The following SWAP70 variants were observed in gnomAD, a reference collection of about 807,000 sequenced individuals.
The protein encoded by SWAP70 is switching B cell complex subunit SWAP70, also known as switch-associated protein 70.
In SWAP70, 34 loss-of-function variants were observed where a neutral mutation model predicts 80.2. The observed-to-expected ratio is 0.42, with a 90% CI of 0.32 to 0.56. The LOEUF is 0.56. Ranked by LOEUF, SWAP70 falls within the 20% of genes least tolerant of loss-of-function variation. The pLI is 0.09. For synonymous variants in SWAP70, 239 were observed against 238.5 expected (o/e 1.00, Z -0.02); for missense variants, 578 against 690.7 (o/e 0.84, Z 1.83).
At chr11:9,735,171 C>A (rs749194663) in intron 7 of SWAP70, among the ~76,000 whole-genome samples, 1 of 152,144 alleles carries the variant, frequency 6.6e-6, no homozygotes, top group Non-Finnish European at 1.5e-5. Context: ...CCCCCTCCCC[C>A]ACTTATGAAT....
chr11:9,712,606 C>T (rs954336266), intron 2 of SWAP70, among the ~76,000 whole-genome samples: 1 of 152,110 alleles, frequency 6.6e-6, no homozygotes, highest in Non-Finnish European at 1.5e-5. Flanking sequence ...TCATGCCTAT[C>T]TAATCTCAGT....
At chr11:9,741,896 G>A (rs1851443831) in intron 9 of SWAP70, 1 of 136,394 alleles carries the variant, frequency 7.3e-6, no homozygotes, top group Non-Finnish European at 1.5e-5. Flanking sequence ...TTGAACCCAG[G>A]AGTTTATGAC....
At chr11:9,670,173 G>C (rs1261000055) in intron 1 of SWAP70, among the ~76,000 whole-genome samples, 1 of 152,080 alleles carries the variant, frequency 6.6e-6, no homozygotes, top group Non-Finnish European at 1.5e-5. Flanking sequence ...GCCCCGATAA[G>C]AGGTAATAGG....
At chr11:9,747,384 A>G (rs748756683) in intron 9 of SWAP70, among the ~76,000 whole-genome samples, 3 of 152,278 alleles carry the variant, frequency 2.0e-5, no homozygotes, top group East Asian at 1.9e-4. Flanking sequence ...AGCTTTTTCC[A>G]TGGTAACAGG....
intron 1 of SWAP70, among the ~76,000 whole-genome samples, chr11:9,689,706 G>A (rs1850672472): frequency 6.6e-6 from 1 of 152,162 alleles, no homozygotes; most frequent in African/African-American, 2.4e-5. Flanking sequence ...CTGGAGAAGG[G>A]GTTAGTGCCT....
At chr11:9,721,566 G>T (rs1331777605) in intron 3 of SWAP70, among the ~76,000 whole-genome samples, 2 of 150,548 alleles carry the variant, frequency 1.3e-5, no homozygotes, top group Non-Finnish European at 2.9e-5. Flanking sequence ...CAAACTCCTT[G>T]GCTCAAGCAG....
chr11:9,681,417 C>A (rs1455072889), intron 1 of SWAP70, among the ~76,000 whole-genome samples: 1 of 152,180 alleles, frequency 6.6e-6, no homozygotes, highest in African/African-American at 2.4e-5. Context: ...TATTGACTGA[C>A]AGTCTGTCTT....
chr11:9,710,611 A>G (rs904812104), intron 2 of SWAP70, among the ~76,000 whole-genome samples: 8 of 151,274 alleles, frequency 5.3e-5, no homozygotes, highest in African/African-American at 7.3e-5. Context: ...TCTGCTGCCC[A>G]TGCCTGCCTC....
At chr11:9,737,454 A>G (rs769786671) in intron 7 of SWAP70, among the ~76,000 whole-genome samples, 15 of 152,146 alleles carry the variant, frequency 9.9e-5, no homozygotes, top group Non-Finnish European at 2.1e-4. Context: ...TTTAACAATA[A>G]TTTTCACCAG....
intron 7 of SWAP70, among the ~76,000 whole-genome samples, chr11:9,736,020 A>G (rs775310312): frequency 1.3e-5 from 2 of 151,882 alleles, no homozygotes; most frequent in African/African-American, 2.4e-5. Flanking sequence ...GGTGTCCCAC[A>G]TTTCTCTAAG....
chr11:9,742,406 G>C (rs934330523), intron 9 of SWAP70, among the ~76,000 whole-genome samples: 13 of 151,404 alleles, frequency 8.6e-5, no homozygotes, highest in Non-Finnish European at 1.6e-4. Context: ...GCGTGATCTC[G>C]GCTCACTGCA....
Position 9,664,373 on chromosome 11 carries a change from A to AGGGCG in SWAP70, c.99+103_99+107dup, listed in dbSNP as rs1850282991. 10 of 1,387,506 alleles carry AGGGCG rather than the reference A, an allele frequency of 7.2e-6. No individual in the cohort carries two copies. In the South Asian group the frequency reaches 9.5e-5, roughly 13 times the overall value. The allele number at this position is 1,387,506 out of a possible 1,614,324, so 85.9% of individuals were successfully genotyped here. On this transcript the variant is annotated intron_variant, in intron 1 of 11. Coordinates refer to ENST00000318950, the MANE Select transcript of SWAP70 (RefSeq NM_015055.4). The stretch of plus-strand genomic sequence containing the variant: ...GCGGGACCTGGCGGGCCGTGACCGC[A>AGGGCG]GGGCGGGGCGGGTCGGAATGCGCCC...
chr11:9,717,736 T>G (rs964616246), intron 3 of SWAP70, among the ~76,000 whole-genome samples: 5 of 152,198 alleles, frequency 3.3e-5, no homozygotes, highest in African/African-American at 1.2e-4. Context: ...TTGTGTTTTC[T>G]TTGAAAAACT....
At chr11:9,664,373 A>T in intron 1 of SWAP70, 95 bp downstream of exon 1, 8 of 1,387,506 alleles carry the variant, frequency 5.8e-6, no homozygotes, top group Non-Finnish European at 7.8e-6. Context: ...CCGTGACCGC[A>T]GGGCGGGGCG....
intron 2 of SWAP70, among the ~76,000 whole-genome samples, chr11:9,697,681 A>G (rs1565118588): frequency 6.6e-6 from 1 of 152,200 alleles, no homozygotes; most frequent in South Asian, 2.1e-4. Flanking sequence ...CTTTGTATCT[A>G]TATCTTTTAT....
chr11:9,694,087 G>A, intron 1 of SWAP70, 59 bp from the exon 2 acceptor site: 1 of 1,491,404 alleles, frequency 6.7e-7, no homozygotes, highest in Non-Finnish European at 8.9e-7. Context: ...TGTACTCATG[G>A]TGAAGGTGTC....
Position 9,748,003 on chromosome 11 carries a change from G to A in SWAP70, c.1501G>A (p.Glu501Lys). 1 of 1,614,150 alleles carries A rather than the reference G, an allele frequency of 6.2e-7. No homozygotes were observed. Among genetic ancestry groups the A allele is most frequent in the Non-Finnish European group, 8.5e-7 (1 of 1,179,982 alleles). ...GGAACAGGCCCTGCAGGAGGCCATG[G>A]AGCAGCTGGAGCAGCTTGAGTTAGA... is the stretch of plus-strand genomic sequence containing the variant. Reference protein sequence around the residue: ...LKEQALQEAMEQLEQLELERK... With the variant: ...LKEQALQEAMKQLEQLELERK... The change falls in exon 10 of 12, where the codon GAG becomes AAG. Residue 501 changes from glutamate (E) to lysine (K), a missense_variant. Transcript: ENST00000318950.
chr11:9,717,252 G>A (rs1014298709), intron 3 of SWAP70, among the ~76,000 whole-genome samples: 2 of 152,192 alleles, frequency 1.3e-5, no homozygotes. Flanking sequence ...ATACAGAGGT[G>A]TATAGAAGGG....
chr11:9,751,947 A>G lies in SWAP70; in HGVS notation c.*1977A>G, dbSNP rs941901356. 1.3e-5 allele frequency: 2 copies of G among 152,224 alleles called. No homozygotes were observed. Among genetic ancestry groups the G allele is most frequent in the African/African-American group, 4.8e-5 (2 of 41,462 alleles). 9.4% of individuals were successfully genotyped at this position (152,224 alleles called of 1,614,324 possible). A position where few individuals can be genotyped will look rare whatever the true frequency, so the allele number is the denominator to read the frequency against. On this transcript the variant is annotated 3_prime_UTR_variant, in exon 12 of 12. Coordinates refer to ENST00000318950, the MANE Select transcript of SWAP70 (RefSeq NM_015055.4). The stretch of plus-strand genomic sequence containing the variant: ...ATTTATCAGTATTATCATTTTATTC[A>G]GTAGCTGGCAGGTGTATTAGACCAA...
Sources: gnomAD v4.1 joint callset for allele counts (sites outside exome capture counted in the v4.1 genomes callset) on GRCh38, gnomAD v4.1.1 for gene constraint, MANE v1.5 for transcripts, NCBI Gene and HGNC (gene_info 2026-07-23, HGNC 2026-07-21) for gene names.